CRYBA4: variants seen among roughly 807,000 people sequenced by gnomAD.
The protein encoded by CRYBA4 is beta-crystallin A4.
In CRYBA4, 30 loss-of-function variants were observed where a neutral mutation model predicts 31.7. That is an observed-to-expected ratio of 0.95 (90% CI 0.71 to 1.28). CRYBA4 has a LOEUF of 1.28. CRYBA4 is among the 50% of genes most tolerant of loss of function. CRYBA4 has a pLI of 0.00. For synonymous variants in CRYBA4, 102 were observed against 102.3 expected (o/e 1.00, Z 0.02); for missense variants, 225 against 260.7 (o/e 0.86, Z 0.94).
At chr22:26,612,694 G>A in the CRYBA4 span, among the ~76,000 whole-genome samples, 1 of 152,330 alleles carries the variant, frequency 6.6e-6, no homozygotes, top group African/African-American at 2.4e-5. Context: ...CCATCATTAG[G>A]AACTTATGAA....
chr22:26,604,416 C>G, the CRYBA4 span, among the ~76,000 whole-genome samples: 1 of 152,226 alleles, frequency 6.6e-6, no homozygotes, highest in Non-Finnish European at 1.5e-5. Flanking sequence ...TTCACCACCA[C>G]TAGGAGGAAG....
At chr22:26,590,262 A>T in the CRYBA4 span, 2 of 146,930 alleles carry the variant, frequency 1.4e-5, no homozygotes, top group South Asian at 4.5e-4. Context: ...CTGGTCGGGA[A>T]GTTTCCCGGA....
intron 4 of CRYBA4, among the ~76,000 whole-genome samples, chr22:26,627,357 CTCCTTTCTTTCTTTCT>C (rs1929736264): frequency 3.0e-5 from 1 of 32,794 alleles, no homozygotes; most frequent in African/African-American, 2.1e-4. Flanking sequence ...CCCTCCCTCC[CTCCTTTCTTTCTTTCT>C]TTCTTTCTTT....
the CRYBA4 span, among the ~76,000 whole-genome samples, chr22:26,603,941 A>C: frequency 5.9e-5 from 9 of 151,616 alleles, no homozygotes; most frequent in African/African-American, 2.2e-4. Context: ...AAACAAACAA[A>C]CAACCAGGCC....
chr22:26,602,128 G>A, the CRYBA4 span: 1 of 1,411,386 alleles, frequency 7.1e-7, no homozygotes, highest in African/African-American at 1.4e-5. Context: ...GCCTGTTCAG[G>A]CTGCTGGGGG....
intron 4 of CRYBA4, among the ~76,000 whole-genome samples, chr22:26,627,516 CTTTCTT>C (rs1929782540): frequency 2.2e-5 from 2 of 91,860 alleles, no homozygotes; most frequent in Non-Finnish European, 4.7e-5. Flanking sequence ...TTCTTTCTTT[CTTTCTT>C]TCTCTTTCTT....
intron 5 of CRYBA4, among the ~76,000 whole-genome samples, chr22:26,629,175 G>A (rs1929843512): frequency 6.6e-6 from 1 of 152,198 alleles, no homozygotes; most frequent in African/African-American, 2.4e-5. Context: ...TGAAGGCTAA[G>A]GTGTGAGATT....
chr22:26,600,424 T>C, the CRYBA4 span, among the ~76,000 whole-genome samples: 1 of 152,090 alleles, frequency 6.6e-6, no homozygotes, highest in South Asian at 2.1e-4. Flanking sequence ...ATTGGTTTTC[T>C]TTGTAGGTAA....
At chr22:26,604,929 C>G in the CRYBA4 span, among the ~76,000 whole-genome samples, 1 of 152,148 alleles carries the variant, frequency 6.6e-6, no homozygotes, top group African/African-American at 2.4e-5. Flanking sequence ...CCTACAAGAC[C>G]CTGGTCTCCA....
chr22:26,590,805 G>A, the CRYBA4 span, among the ~76,000 whole-genome samples: 1 of 152,070 alleles, frequency 6.6e-6, no homozygotes, highest in East Asian at 1.9e-4. Flanking sequence ...ATGCCGAATA[G>A]CGTAAAGGTT....
Position 26,630,513 on chromosome 22 carries a change from A to G in CRYBA4, c.*26A>G, listed in dbSNP as rs1235328378. ...ACAGGGGTGCGGCACGGAGGAGCGC[A>G]TGCGTGCTTATCTGCAATGGAGGCG... On this transcript the variant is annotated 3_prime_UTR_variant, in exon 6 of 6. Coordinates refer to ENST00000354760, the MANE Select transcript of CRYBA4 (RefSeq NM_001886.3). The G allele has an allele frequency of 6.2e-7, 1 of 1,601,798 alleles. No individual in the cohort carries two copies. Among genetic ancestry groups the G allele is most frequent in the Non-Finnish European group, 8.5e-7 (1 of 1,173,896 alleles).
chr22:26,608,250 A>C, the CRYBA4 span, among the ~76,000 whole-genome samples: 1 of 152,212 alleles, frequency 6.6e-6, no homozygotes, highest in Admixed American at 6.5e-5. Context: ...ATCTACACTC[A>C]TATGCCTGTT....
Position 26,628,413 on chromosome 22 carries a change from C to A in CRYBA4, c.426C>A (p.Phe142Leu). 6.2e-7 allele frequency: 1 copy of A among 1,614,098 alleles called. No individual in the cohort carries two copies. Among genetic ancestry groups the A allele is most frequent in the Non-Finnish European group, 8.5e-7 (1 of 1,180,012 alleles). The change falls in exon 5 of 6, where the codon TTC becomes TTA. Residue 142 changes from phenylalanine to leucine, a missense_variant. Physicochemically the swap from Phe to Leu is conservative, Grantham distance 22. Coordinates refer to ENST00000354760, the MANE Select transcript of CRYBA4 (RefSeq NM_001886.3). ...MGWEGNEVGS[F>L]HVHSGAWVCS... ...GGGAAGGCAATGAAGTAGGGTCCTT[C>A]CACGTCCACTCTGGGGCGTAAGTGT...
chr22:26,630,251 G>A (rs1929882982), intron 5 of CRYBA4, 89 bp from the exon 6 acceptor site: 2 of 1,539,442 alleles, frequency 1.3e-6, no homozygotes, highest in Non-Finnish European at 1.8e-6. Flanking sequence ...GGCTGGAATT[G>A]TGTGCGTGTG....
intron 4 of CRYBA4, among the ~76,000 whole-genome samples, chr22:26,627,456 TTTTCTTTC>T (rs1316167741): frequency 5.7e-4 from 61 of 106,882 alleles, no homozygotes; most frequent in Non-Finnish European, 6.1e-4. Flanking sequence ...CCTTCTTTCT[TTTTCTTTC>T]TTTCTTTCTT....
chr22:26,603,057 A>G, the CRYBA4 span, among the ~76,000 whole-genome samples: 4 of 149,438 alleles, frequency 2.7e-5, no homozygotes, highest in Non-Finnish European at 5.9e-5. Flanking sequence ...CCCAGGAGGC[A>G]GAGCTTGCAG....
chr22:26,607,403 T>G, the CRYBA4 span, among the ~76,000 whole-genome samples: 1 of 151,858 alleles, frequency 6.6e-6, no homozygotes, highest in Non-Finnish European at 1.5e-5. Context: ...TTTGAAAAGT[T>G]TTCCCAGGCC....
At chr22:26,624,400 T>C (rs1426049891) in intron 3 of CRYBA4, among the ~76,000 whole-genome samples, 3 of 152,170 alleles carry the variant, frequency 2.0e-5, no homozygotes. Context: ...GATAGAAGGT[T>C]CTAGAAAGTT....
the CRYBA4 span, among the ~76,000 whole-genome samples, chr22:26,591,740 C>CA: frequency 0.44 from 42,079 of 94,824 alleles, 7,718 homozygotes; most frequent in East Asian, 0.52. Flanking sequence ...GACTCCGTCT[C>CA]AAAAAAAAAA....
Sources: allele counts gnomAD v4.1 joint callset (sites outside exome capture counted in the v4.1 genomes callset), GRCh38; gene constraint gnomAD v4.1.1; transcripts MANE v1.5; gene names NCBI Gene and HGNC (gene_info 2026-07-23, HGNC 2026-07-21).